The following NR4A2 variants were observed in gnomAD, a reference collection of about 807,000 sequenced individuals.
NR4A2 encodes NGFI-B/nur77 beta-type transcription factor homolog.
NR4A2 carries 1 observed loss-of-function variant against 50.5 expected under a neutral mutation model. The ratio of observed to expected loss-of-function variants is 0.02; its 90% CI spans 0.01 to 0.09. The LOEUF (loss-of-function observed/expected upper bound fraction) is 0.09. Ranked by LOEUF, NR4A2 falls within the 10% of genes least tolerant of loss-of-function variation. The pLI is 1.00. For missense variants in NR4A2, 613 were observed against 777.3 expected, an observed-to-expected ratio of 0.79 and a Z score of 2.51; for synonymous variants, 328 against 309.4, an observed-to-expected ratio of 1.06 and a Z score of -0.63.
chr2:156,327,230 C>T (rs989915574), intron 5 of NR4A2, among the ~76,000 whole-genome samples: 5 of 152,200 alleles, frequency 3.3e-5, no homozygotes, highest in Admixed American at 3.3e-4. Flanking sequence ...CCAGAGTGGG[C>T]CTCGAGCTGA....
chr2:156,330,259 C>A (rs1686863765), intron 2 of NR4A2, 71 bp from the exon 3 acceptor site: 1 of 1,574,478 alleles, frequency 6.4e-7, no homozygotes, highest in Admixed American at 1.8e-5. Context: ...CTCGGGTACA[C>A]CTGGAGCTAC....
In NR4A2 at chr2:156,329,809, C is replaced by T. The variant is rs781377163; in HGVS notation, c.378G>A (p.Ser126=). The T allele has an allele frequency of 1.2e-6, 2 of 1,613,464 alleles. No homozygotes were observed. The highest frequency in any genetic ancestry group is 3.3e-5 in the Admixed American group (2 of 59,996). ...HSGSVYYKPS[S]PPTPTTPGFQ... is the part of the protein sequence containing the mutation. ...AGCCCGGGGTGGTGGGCGTCGGGGG[C>T]GAGGAGGGCTTGTAGTAAACCGACC... The change falls in exon 3 of 8, where the codon TCG becomes TCA. Residue 126 remains serine (S), a synonymous_variant. Coordinates refer to ENST00000339562, the MANE Select transcript of NR4A2 (RefSeq NM_006186.4). This position sits in a 1 kb window ranked among gnomAD's most constrained non-coding sequence, Gnocchi z 7.5.
Position 156,330,779 on chromosome 2 carries a change from T to G in NR4A2, c.-114A>C, listed in dbSNP as rs916957506. On this transcript the variant is annotated 5_prime_UTR_variant, in exon 2 of 8. Transcript: ENST00000339562. ...GAAAAGCAATGGGGAGTCCAGCCTG[T>G]CCAATCTCCTCCCTGAAATACAGAC... 7 of 1,246,400 alleles carry G rather than the reference T, an allele frequency of 5.6e-6. No homozygotes were observed. Among genetic ancestry groups the G allele is most frequent in the Non-Finnish European group, 7.0e-6 (7 of 995,142 alleles). The allele number at this position is 1,246,400 out of a possible 1,614,324, so 77.2% of individuals were successfully genotyped here.
chr2:156,332,538 T>C lies in NR4A2; in HGVS notation c.-185A>G. 1 of 1,288,690 alleles carries C rather than the reference T, an allele frequency of 7.8e-7. No individual in the cohort carries two copies. Among genetic ancestry groups the C allele is most frequent in the Non-Finnish European group, 1.0e-6 (1 of 988,404 alleles). 79.8% of individuals were successfully genotyped at this position (1,288,690 alleles called of 1,614,324 possible). A position where few individuals can be genotyped will look rare whatever the true frequency, so the allele number is the denominator to read the frequency against. On this transcript the variant is annotated 5_prime_UTR_variant, in exon 1 of 8. Coordinates refer to ENST00000339562, the MANE Select transcript of NR4A2 (RefSeq NM_006186.4). ...AACTCTGCCGAAGTGCAGTTCCCTCTGGGAGCCCGGGCGCCGGGGTCGGGT... is the reference window on the plus strand; with the variant it reads ...AACTCTGCCGAAGTGCAGTTCCCTCCGGGAGCCCGGGCGCCGGGGTCGGGT...
rs1212272141 is a variant in NR4A2, at chr2:156,328,971, T to C, written c.864+352A>G. Among the ~76,000 whole-genome samples the C allele has an allele frequency of 6.6e-6, 1 of 152,240 alleles. No homozygotes were observed. Among genetic ancestry groups the C allele is most frequent in the Non-Finnish European group, 1.5e-5 (1 of 68,046 alleles). On this transcript the variant is annotated intron_variant, in intron 3 of 7. Transcript: ENST00000339562. The surrounding 1 kb of genome is among the most constrained non-coding windows in gnomAD (Gnocchi z 4.9). ...TTCCACTTGGTTAGCTCAGACACGG[T>C]TCTCTGTCCTAACCAATTTCATTCT...
intron 2 of NR4A2, 30 bp from the exon 3 acceptor site, chr2:156,330,218 C>A: frequency 6.2e-7 from 1 of 1,612,418 alleles, no homozygotes; most frequent in Non-Finnish European, 8.5e-7. Context: ...ATAACACACT[C>A]AGCCTGGTCA....
Position 156,326,366 on chromosome 2 carries a change from A to C in NR4A2, c.1362-38T>G, listed in dbSNP as rs747293156. The C allele has an allele frequency of 2.5e-6, 4 of 1,579,380 alleles. No homozygotes were observed. The East Asian group carries it at 8.9e-5, about 35-fold the overall frequency. Reference sequence around the variant, plus strand: ...CCAAAGAGAGAGAGGGGAGAAAAAGAGAGAGAGAAAAGCTAAACAACTAAT... The same window carrying C: ...CCAAAGAGAGAGAGGGGAGAAAAAGCGAGAGAGAAAAGCTAAACAACTAAT... On this transcript the variant is annotated intron_variant, in intron 6 of 7. Coordinates refer to ENST00000339562, the MANE Select transcript of NR4A2 (RefSeq NM_006186.4). This position sits in a 1 kb window ranked among gnomAD's most constrained non-coding sequence, Gnocchi z 4.2.
chr2:156,330,909 G>A (rs1686894382), intron 1 of NR4A2, 118 bp from the exon 2 acceptor site: 10 of 872,030 alleles, frequency 1.1e-5, no homozygotes, highest in Non-Finnish European at 1.5e-5. Context: ...TTGGAAATGA[G>A]TGGGAAGCCT....
chr2:156,328,347 T>A lies in NR4A2; in HGVS notation c.994+57A>T. The stretch of plus-strand genomic sequence containing the variant: ...GGAAGTGGAACGTGATGCTGGAGTA[T>A]GAGCAGTGGTTTCCTAAAGGCGCAA... On this transcript the variant is annotated intron_variant, in intron 4 of 7. Transcript: ENST00000339562. The surrounding 1 kb of genome is among the most constrained non-coding windows in gnomAD (Gnocchi z 4.9). 1 of 1,613,190 alleles carries A rather than the reference T, an allele frequency of 6.2e-7. No individual in the cohort carries two copies. The highest frequency in any genetic ancestry group is 8.5e-7 in the Non-Finnish European group (1 of 1,179,450).
chr2:156,330,866 GC>G, intron 1 of NR4A2, 75 bp from the exon 2 acceptor site: 1 of 1,210,644 alleles, frequency 8.3e-7, no homozygotes, highest in Non-Finnish European at 1.0e-6. Flanking sequence ...GACTCACCAG[GC>G]AGGCCCTTCC....
At position 156,332,592 on chromosome 2, in the gene NR4A2, C is replaced by T. The variant is rs752899758; in HGVS notation, c.-239G>A. 3 of 888,766 alleles carry T rather than the reference C, an allele frequency of 3.4e-6. No homozygotes were observed. Among genetic ancestry groups the T allele is most frequent in the Non-Finnish European group, 3.2e-6 (2 of 624,510 alleles). 55.1% of individuals were successfully genotyped at this position (888,766 alleles called of 1,614,324 possible). Reference sequence around the variant, plus strand: ...GGTGGGAGAGCTGGGCGAAGGGAACCCGGACACCTCACGGAGGGAGGGAGC... The same window carrying T: ...GGTGGGAGAGCTGGGCGAAGGGAACTCGGACACCTCACGGAGGGAGGGAGC... On this transcript the variant is annotated 5_prime_UTR_variant, in exon 1 of 8. Coordinates refer to ENST00000339562, the MANE Select transcript of NR4A2 (RefSeq NM_006186.4).
chr2:156,332,636 G>A lies in NR4A2; in HGVS notation c.-283C>T. The A allele has an allele frequency of 1.8e-6, 1 of 556,322 alleles. No homozygotes were observed. Among genetic ancestry groups the A allele is most frequent in the Non-Finnish European group, 3.1e-6 (1 of 325,028 alleles). 34.5% of individuals were successfully genotyped at this position (556,322 alleles called of 1,614,324 possible). On this transcript the variant is annotated 5_prime_UTR_variant, in exon 1 of 8. Transcript: ENST00000339562. ...AGGGAGCAGGGACAGGCGGCCGGCTGGACAGGCAAAAGGGACCGCGGAGCC... is the reference window on the plus strand; with the variant it reads ...AGGGAGCAGGGACAGGCGGCCGGCTAGACAGGCAAAAGGGACCGCGGAGCC...
At position 156,329,714 on chromosome 2, in the gene NR4A2, GCCA is replaced by G. The variant is rs1407445227; in HGVS notation, c.470_472del (p.Val157del). ...CCTCTGCTCGATCATGTGCGTAGTG[GCCA>G]CGTAGTTCTGGTGGAAGTTGTGGAG... is the stretch of plus-strand genomic sequence containing the variant. On this transcript the variant is annotated inframe_deletion, in exon 3 of 8. Coordinates refer to ENST00000339562, the MANE Select transcript of NR4A2 (RefSeq NM_006186.4). This position sits in a 1 kb window ranked among gnomAD's most constrained non-coding sequence, Gnocchi z 7.5. 1 of 1,614,064 alleles carries G rather than the reference GCCA, an allele frequency of 6.2e-7. No individual in the cohort carries two copies.
Position 156,326,324 on chromosome 2 carries a change from T to C in NR4A2, c.1366A>G (p.Asn456Asp). ...AAGATGAGTTTACCCTCCACTGGGT[T>C]GGACCTGCAATTAATACCAAAGAGA... ...LFVLRLAYRS[N>D]PVEGKLIFCN... The change falls in exon 7 of 8, where the codon AAC becomes GAC. Residue 456 changes from asparagine to aspartate, a missense_variant. Asn to Asp is a conservative substitution (Grantham distance 23). Transcript: ENST00000339562. The surrounding 1 kb of genome is among the most constrained non-coding windows in gnomAD (Gnocchi z 4.2). The C allele has an allele frequency of 1.9e-6, 3 of 1,613,944 alleles. No homozygotes were observed. The highest frequency in any genetic ancestry group is 2.5e-6 in the Non-Finnish European group (3 of 1,179,804).
chr2:156,326,608 T>C lies in NR4A2; in HGVS notation c.1361+110A>G. 8.1e-7 allele frequency: 1 copy of C among 1,230,854 alleles called. No individual in the cohort carries two copies. Among genetic ancestry groups the C allele is most frequent in the South Asian group, 1.2e-5 (1 of 80,530 alleles). 76.2% of individuals were successfully genotyped at this position (1,230,854 alleles called of 1,614,324 possible). A position where few individuals can be genotyped will look rare whatever the true frequency, so the allele number is the denominator to read the frequency against. On this transcript the variant is annotated intron_variant, in intron 6 of 7. Coordinates refer to ENST00000339562, the MANE Select transcript of NR4A2 (RefSeq NM_006186.4). This position sits in a 1 kb window ranked among gnomAD's most constrained non-coding sequence, Gnocchi z 4.2. ...CTTCCTTTCTCCGACTTCCATTTCCTATTCTGTCTTTTTCTCTACCCCACC... is the reference window on the plus strand; with the variant it reads ...CTTCCTTTCTCCGACTTCCATTTCCCATTCTGTCTTTTTCTCTACCCCACC...
Position 156,328,905 on chromosome 2 carries a change from C to T in NR4A2, c.865-372G>A, listed in dbSNP as rs186023398. On this transcript the variant is annotated intron_variant, in intron 3 of 7. Transcript: ENST00000339562. This position sits in a 1 kb window ranked among gnomAD's most constrained non-coding sequence, Gnocchi z 4.9. ...TGATAAGATTATTCAATCAGGATGG[C>T]GAAATAAAGAGATCACTTAATTTGA... is the stretch of plus-strand genomic sequence containing the variant. 1.3e-5 allele frequency among the ~76,000 whole-genome samples: 2 copies of T among 152,210 alleles called. No individual in the cohort carries two copies. Among genetic ancestry groups the T allele is most frequent in the East Asian group, 1.9e-4 (1 of 5,182 alleles).
chr2:156,331,268 A>G (rs941057729), intron 1 of NR4A2, among the ~76,000 whole-genome samples: 9 of 152,222 alleles, frequency 5.9e-5, no homozygotes, highest in Admixed American at 5.2e-4. Flanking sequence ...TGAGAAAACA[A>G]TCTTCCCCCT....
chr2:156,326,074 C>A lies in NR4A2; in HGVS notation c.1541-74G>T, dbSNP rs1389766413. The A allele has an allele frequency of 1.2e-6, 2 of 1,613,350 alleles. No homozygotes were observed. The highest frequency in any genetic ancestry group is 4.5e-5 in the East Asian group (2 of 44,870). ...GCTAGTTGGCAAAACCAAGGAGAAT[C>A]TGTGACAAGGGAAACTCAGGACAAA... On this transcript the variant is annotated intron_variant, in intron 7 of 7. Coordinates refer to ENST00000339562, the MANE Select transcript of NR4A2 (RefSeq NM_006186.4). The surrounding 1 kb of genome is among the most constrained non-coding windows in gnomAD (Gnocchi z 4.2).
Position 156,325,242 on chromosome 2 carries a change from A to G in NR4A2, c.*502T>C, listed in dbSNP as rs1409412260. The G allele has an allele frequency of 6.1e-6, 1 of 163,562 alleles. No homozygotes were observed. Among genetic ancestry groups the G allele is most frequent in the African/African-American group, 2.4e-5 (1 of 41,592 alleles). 10.1% of individuals were successfully genotyped at this position (163,562 alleles called of 1,614,324 possible). On this transcript the variant is annotated 3_prime_UTR_variant, in exon 8 of 8. Coordinates refer to ENST00000339562, the MANE Select transcript of NR4A2 (RefSeq NM_006186.4). ...CACCCACGCAACATTTAGTTTTACT[A>G]TATATTACAGCTTTCTTTACAGCAG...
Sources: gnomAD v4.1 joint callset for allele counts (sites outside exome capture counted in the v4.1 genomes callset) on GRCh38, gnomAD v4.1.1 for gene constraint, Gnocchi (gnomAD v3.1) non-coding constraint, MANE v1.5 for transcripts, NCBI Gene and HGNC (gene_info 2026-07-23, HGNC 2026-07-21) for gene names.